The following KCNH8 variants were observed in gnomAD, a reference collection of about 807,000 sequenced individuals.
KCNH8 encodes potassium voltage-gated channel subfamily H member 8, also known as voltage-gated delayed rectifier potassium channel KCNH8.
A neutral mutation model predicts 103.6 loss-of-function variants in KCNH8; 70 were observed. The observed-to-expected ratio is 0.68, with a 90% confidence interval of 0.56 to 0.82. KCNH8 has a LOEUF of 0.82. Among genes scored for constraint, KCNH8 ranks in the 40% least tolerant of loss-of-function variants. KCNH8 has a pLI of 0.00. For synonymous variants in KCNH8, 498 were observed against 489.4 expected (o/e 1.02, Z -0.23); for missense variants, 1,217 against 1,329.9 (o/e 0.92, Z 1.32).
chr3:19,513,273 A>C lies in KCNH8; in HGVS notation c.2383A>C (p.Lys795Gln). 1 of 1,612,722 alleles carries C rather than the reference A, an allele frequency of 6.2e-7. No individual in the cohort carries two copies. The highest frequency in any genetic ancestry group is 1.3e-5 in the African/African-American group (1 of 74,848). ...NHNKRKEKNL[K>Q]LQLSTLNNAG... The stretch of plus-strand genomic sequence containing the variant: ...TAATAAAAGGAAAGAGAAGAACTTG[A>C]AATTGCAACTTTCAACTTTGAATAA... Residue 795 changes from lysine to glutamine, a missense_variant, in exon 13 of 16, where the codon AAA becomes CAA. By Grantham distance (53) the Lys-to-Gln change is moderately conservative. Coordinates refer to ENST00000328405, the MANE Select transcript of KCNH8 (RefSeq NM_144633.3).
At chr3:19,254,973 G>A (rs911118999) in intron 2 of KCNH8, among the ~76,000 whole-genome samples, 1 of 152,048 alleles carries the variant, frequency 6.6e-6, no homozygotes, top group African/African-American at 2.4e-5. Context: ...TAGAAAGTAG[G>A]TATATTGACG....
intron 1 of KCNH8, among the ~76,000 whole-genome samples, chr3:19,234,087 C>G (rs1217853950): frequency 2.0e-5 from 3 of 152,142 alleles, no homozygotes; most frequent in Admixed American, 1.3e-4. Flanking sequence ...CTTATCTGGC[C>G]CCACTCACAT....
chr3:19,289,012 G>T (rs527633634), intron 3 of KCNH8, among the ~76,000 whole-genome samples: 2 of 152,206 alleles, frequency 1.3e-5, no homozygotes, highest in African/African-American at 4.8e-5. Context: ...GTGTCTTTTG[G>T]CTGCATAAAT....
intron 8 of KCNH8, among the ~76,000 whole-genome samples, chr3:19,439,875 T>C (rs1006038225): frequency 6.7e-6 from 1 of 149,574 alleles, no homozygotes; most frequent in African/African-American, 2.5e-5. Context: ...TAATGAGTCA[T>C]AAAGGATAAA....
chr3:19,359,307 T>C (rs933143712), intron 5 of KCNH8, among the ~76,000 whole-genome samples: 3 of 151,822 alleles, frequency 2.0e-5, no homozygotes, highest in African/African-American at 4.8e-5. Context: ...AAAGAAACTA[T>C]TAAGAAGATA....
intron 3 of KCNH8, 44 bp from the exon 4 acceptor site, chr3:19,342,543 A>AATGATGCATGC (rs2065674839): frequency 1.3e-6 from 2 of 1,576,768 alleles, no homozygotes; most frequent in Non-Finnish European, 1.7e-6. Context: ...CTTGAGGTGA[A>AATGATGCATGC]ATGATGCATG....
intron 5 of KCNH8, among the ~76,000 whole-genome samples, chr3:19,348,733 T>C (rs1208804062): frequency 1.3e-5 from 2 of 152,016 alleles, no homozygotes; most frequent in Non-Finnish European, 1.5e-5. Context: ...TCCTTGGTCA[T>C]GGTGATAGAG....
Position 19,450,260 on chromosome 3 carries a change from T to C in KCNH8, c.1530T>C (p.Tyr510=). ...PQQLKQRMLE[Y]FQTTWSVNNG... ...AACTCAAGCAGAGGATGCTCGAATA[T>C]TTTCAAACAACCTGGTCAGTCAACA... is the stretch of plus-strand genomic sequence containing the variant. The change falls in exon 9 of 16, where the codon TAT becomes TAC. Residue 510 remains tyrosine (Y), a synonymous_variant. Transcript: ENST00000328405. 6.2e-7 allele frequency: 1 copy of C among 1,613,638 alleles called. No homozygotes were observed. Among genetic ancestry groups the C allele is most frequent in the Non-Finnish European group, 8.5e-7 (1 of 1,179,736 alleles).
intron 3 of KCNH8, among the ~76,000 whole-genome samples, chr3:19,318,192 A>G (rs571928051): frequency 1.2e-4 from 18 of 152,082 alleles, no homozygotes; most frequent in Middle Eastern, 3.4e-3. Context: ...ACAGACAAGC[A>G]GAGAGCCAAA....
chr3:19,493,825 T>C (rs1416709525), intron 11 of KCNH8, among the ~76,000 whole-genome samples: 2 of 152,188 alleles, frequency 1.3e-5, no homozygotes, highest in Non-Finnish European at 2.9e-5. Flanking sequence ...CATTAGTACA[T>C]GATGAACCAT....
chr3:19,317,632 G>A (rs1206389592), intron 3 of KCNH8, among the ~76,000 whole-genome samples: 4 of 151,964 alleles, frequency 2.6e-5, no homozygotes, highest in African/African-American at 7.2e-5. Context: ...GTTGCATTAA[G>A]TAGGTAGTTG....
intron 7 of KCNH8, among the ~76,000 whole-genome samples, chr3:19,396,575 TCTA>T (rs1378454103): frequency 2.0e-5 from 3 of 151,836 alleles, no homozygotes; most frequent in Admixed American, 6.6e-5. Context: ...GGTCCTCAAT[TCTA>T]GGAAACAAAG....
intron 1 of KCNH8, among the ~76,000 whole-genome samples, chr3:19,240,686 A>G (rs1187397721): frequency 2.0e-5 from 3 of 152,102 alleles, no homozygotes; most frequent in Admixed American, 6.6e-5. Context: ...TGGATGCTTA[A>G]TAGACTTCTT....
intron 3 of KCNH8, among the ~76,000 whole-genome samples, chr3:19,331,407 T>C (rs1437477979): frequency 6.6e-6 from 1 of 151,990 alleles, no homozygotes; most frequent in Non-Finnish European, 1.5e-5. Context: ...TTCTCCTGCC[T>C]CAGCCTCCAG....
intron 11 of KCNH8, among the ~76,000 whole-genome samples, chr3:19,458,466 T>G (rs1270112352): frequency 6.6e-6 from 1 of 151,930 alleles, no homozygotes; most frequent in Admixed American, 6.6e-5. Context: ...TTCATTTGAC[T>G]TATTAAGGAT....
At chr3:19,342,410 TAAAA>T (rs1441182532) in intron 3 of KCNH8, among the ~76,000 whole-genome samples, 173 bp from the exon 4 acceptor site, 1 of 152,086 alleles carries the variant, frequency 6.6e-6, no homozygotes, top group Non-Finnish European at 1.5e-5. Context: ...AATATGATGA[TAAAA>T]ATATATAAAT....
At position 19,505,499 on chromosome 3, in the gene KCNH8, C is replaced by A. The variant is rs1236913600; in HGVS notation, c.2041-4864C>A. Among the ~76,000 whole-genome samples, 3 of 152,222 alleles carry A rather than the reference C, an allele frequency of 2.0e-5. No individual in the cohort carries two copies. The East Asian group carries it at 5.8e-4, about 29-fold the overall frequency. On this transcript the variant is annotated intron_variant, in intron 11 of 15. Coordinates refer to ENST00000328405, the MANE Select transcript of KCNH8 (RefSeq NM_144633.3). ...ATGTTGATATAGGCCCACAATTTCT[C>A]CTGGCTTGTCGAGTTTCTACTGAAA... is the stretch of plus-strand genomic sequence containing the variant.
intron 3 of KCNH8, among the ~76,000 whole-genome samples, chr3:19,296,331 C>A (rs2064996548): frequency 6.6e-6 from 1 of 152,180 alleles, no homozygotes; most frequent in Admixed American, 6.5e-5. Flanking sequence ...GTATTAATTT[C>A]TCAAAGCAGA....
At chr3:19,297,701 A>G (rs1172852435) in intron 3 of KCNH8, among the ~76,000 whole-genome samples, 2 of 152,192 alleles carry the variant, frequency 1.3e-5, no homozygotes, top group East Asian at 1.9e-4. Flanking sequence ...TATGCTGGCT[A>G]TTGGTGAGTG....
Sources: allele counts gnomAD v4.1 joint callset (sites outside exome capture counted in the v4.1 genomes callset), GRCh38; gene constraint gnomAD v4.1.1; transcripts MANE v1.5; gene names NCBI Gene and HGNC (gene_info 2026-07-23, HGNC 2026-07-21).